Variants in DDR2 observed in about 807,000 individuals in gnomAD.
The protein encoded by DDR2 is discoidin domain-containing receptor 2.
DDR2 carries 27 observed loss-of-function variants against 94.9 expected under a neutral mutation model. The observed-to-expected ratio is 0.28, with a 90% CI of 0.21 to 0.39. The LOEUF (loss-of-function observed/expected upper bound fraction) is 0.39, where lower values mean the gene tolerates loss of function less well. DDR2 is among the 10% of genes least tolerant of loss of function. The probability of loss-of-function intolerance (pLI) is 1.00; values close to 1 mark genes in which losing one functional copy is unlikely to be tolerated. For missense variants in DDR2, 783 were observed against 1,076.0 expected, an observed-to-expected ratio of 0.73 and a Z score of 3.81; for synonymous variants, 382 against 377.2, an observed-to-expected ratio of 1.01 and a Z score of -0.15.
rs141761323 is a variant in DDR2 at position 162,643,869 on chromosome 1, C to G, written c.-192+11238C>G. On this transcript the variant is annotated intron_variant, in intron 1 of 17. Coordinates refer to ENST00000367921, the MANE Select transcript of DDR2 (RefSeq NM_006182.4). ...ACTAAGCCCTCATTGGGGTTGGGTA[C>G]GGTTAGGGCAAGGAGAAGCCTGGGA... 1.5e-3 allele frequency among the ~76,000 whole-genome samples: 230 copies of G among 152,154 alleles called. 3 individuals are homozygous for G. The highest frequency in any genetic ancestry group is 5.2e-3 in the African/African-American group (215 of 41,504).
chr1:162,682,700 T>G (rs371431102), intron 2 of DDR2, among the ~76,000 whole-genome samples: 2 of 152,222 alleles, frequency 1.3e-5, no homozygotes, highest in East Asian at 1.9e-4. Flanking sequence ...ACTTGTGAAA[T>G]TTTCATATTT....
At chr1:162,688,823 G>A (rs1659818635) in intron 2 of DDR2, among the ~76,000 whole-genome samples, 1 of 152,150 alleles carries the variant, frequency 6.6e-6, no homozygotes, top group Non-Finnish European at 1.5e-5. Flanking sequence ...ACCTGAGAGT[G>A]CTCAGCTCCC....
chr1:162,679,644 T>C (rs1659303867), intron 2 of DDR2, among the ~76,000 whole-genome samples: 1 of 152,226 alleles, frequency 6.6e-6, no homozygotes, highest in African/African-American at 2.4e-5. Flanking sequence ...TTATAGCCCT[T>C]TGGGTATATA....
intron 10 of DDR2, among the ~76,000 whole-genome samples, chr1:162,766,791 T>C (rs772611722): frequency 2.6e-5 from 4 of 152,060 alleles, no homozygotes; most frequent in Non-Finnish European, 4.4e-5. Flanking sequence ...CCCAGCACTT[T>C]GGGAGGCAGA....
chr1:162,761,179 A>T (rs761946140), intron 8 of DDR2, 32 bp from the exon 9 acceptor site: 2 of 1,613,406 alleles, frequency 1.2e-6, no homozygotes, highest in Non-Finnish European at 1.7e-6. Flanking sequence ...AGCAGGGCCA[A>T]CCTATCACTC....
chr1:162,744,245 G>T (rs750502137), intron 3 of DDR2, among the ~76,000 whole-genome samples: 15 of 152,152 alleles, frequency 9.9e-5, no homozygotes, highest in Non-Finnish European at 2.1e-4. Context: ...TTGTACAGTG[G>T]ATCTCTAGAA....
intron 2 of DDR2, among the ~76,000 whole-genome samples, chr1:162,670,449 G>A (rs949255016): frequency 1.3e-5 from 2 of 152,120 alleles, no homozygotes; most frequent in East Asian, 1.9e-4. Context: ...AATCAGGCTC[G>A]TTCAGGTTAC....
chr1:162,770,587 C>G, intron 12 of DDR2, 75 bp downstream of exon 12: 1 of 1,367,032 alleles, frequency 7.3e-7, no homozygotes, highest in Non-Finnish European at 1.0e-6. Context: ...CACGCCTGCT[C>G]CCAGTTCATT....
At position 162,773,493 on chromosome 1, in the gene DDR2, A is replaced by G. The variant is rs1216960225; in HGVS notation, c.1753A>G (p.Met585Val). 44 of 1,613,842 alleles carry G rather than the reference A, an allele frequency of 2.7e-5. No homozygotes were observed. Among genetic ancestry groups the G allele is most frequent in the Non-Finnish European group, 3.5e-5 (41 of 1,179,892 alleles). ...GGTTCATCTCTGTGAAGTGGAGGGA[A>G]TGGAAAAATTCAAAGACAAAGATTT... ...GEVHLCEVEG[M>V]EKFKDKDFAL... is the part of the protein sequence containing the mutation. Residue 585 changes from methionine (M) to valine (V), a missense_variant, in exon 14 of 18, where the codon ATG becomes GTG. By Grantham distance (21) the Met-to-Val change is conservative (BLOSUM62 1). Coordinates refer to ENST00000367921, the MANE Select transcript of DDR2 (RefSeq NM_006182.4).
intron 1 of DDR2, among the ~76,000 whole-genome samples, chr1:162,651,381 C>A (rs1657681830): frequency 6.6e-6 from 1 of 152,192 alleles, no homozygotes. Flanking sequence ...TTTTCTTAGA[C>A]TTTTGTCTGC....
rs137924775 is a variant in DDR2, at chr1:162,766,051, C to T, written c.1150C>T (p.Pro384Ser). 1.9e-5 allele frequency: 31 copies of T among 1,613,756 alleles called. No individual in the cohort carries two copies. Among genetic ancestry groups the T allele is most frequent in the Non-Finnish European group, 2.5e-5 (30 of 1,179,996 alleles). ...SEALPTSPMA[P>S]TTYDPMLKVD... Reference sequence around the variant, plus strand: ...AGCCCTGCCCACCTCTCCTATGGCACCCACAACCTATGGTATATGTGATTC... The same window carrying T: ...AGCCCTGCCCACCTCTCCTATGGCATCCACAACCTATGGTATATGTGATTC... The change falls in exon 10 of 18, where the codon CCC (proline) becomes TCC (serine). Residue 384 changes from proline to serine, a missense_variant. Physicochemically the swap from Pro to Ser is moderately conservative, Grantham distance 74 (BLOSUM62 -1). Coordinates refer to ENST00000367921, the MANE Select transcript of DDR2 (RefSeq NM_006182.4).
intron 1 of DDR2, among the ~76,000 whole-genome samples, chr1:162,632,871 C>G (rs756203568): frequency 2.0e-5 from 3 of 152,022 alleles, no homozygotes; most frequent in Non-Finnish European, 2.9e-5. Flanking sequence ...ACCAAAGAAG[C>G]CTGAAGCAAA....
intron 2 of DDR2, among the ~76,000 whole-genome samples, chr1:162,710,394 T>C (rs1198907743): frequency 6.6e-6 from 1 of 152,114 alleles, no homozygotes; most frequent in Non-Finnish European, 1.5e-5. Context: ...ATCACGAGGT[T>C]GGGACTCCCA....
At chr1:162,742,089 C>G (rs899250126) in intron 3 of DDR2, among the ~76,000 whole-genome samples, 7 of 152,240 alleles carry the variant, frequency 4.6e-5, no homozygotes, top group African/African-American at 1.4e-4. Context: ...CATCCCCAAA[C>G]AGTTCAGATT....
chr1:162,762,223 T>C (rs536092536), intron 9 of DDR2, among the ~76,000 whole-genome samples: 49 of 152,370 alleles, frequency 3.2e-4, no homozygotes, highest in African/African-American at 1.2e-3. Flanking sequence ...AAATGGATTC[T>C]GGCTTGGCTG....
At chr1:162,654,452 A>G (rs73016569) in intron 1 of DDR2, among the ~76,000 whole-genome samples, 7 of 152,332 alleles carry the variant, frequency 4.6e-5, no homozygotes, top group African/African-American at 1.7e-4. Flanking sequence ...TCTAAAGAAT[A>G]CAACAGCAAA....
At position 162,775,757 on chromosome 1, in the gene DDR2, T is replaced by C. The variant is rs2102196039; in HGVS notation, c.1962T>C (p.Thr654=). 1 of 1,614,166 alleles carries C rather than the reference T, an allele frequency of 6.2e-7. No homozygotes were observed. The highest frequency in any genetic ancestry group is 8.5e-7 in the Non-Finnish European group (1 of 1,180,024). The change falls in exon 15 of 18, where the codon ACT becomes ACC. Residue 654 remains threonine, a synonymous_variant. Transcript: ENST00000367921. ...CITDDPLCMI[T]EYMENGDLNQ... ...CTGATGACCCTCTCTGTATGATCAC[T>C]GAATACATGGAGAATGGAGATCTCA...
chr1:162,727,301 A>G (rs929242131), intron 3 of DDR2, among the ~76,000 whole-genome samples: 2 of 140,636 alleles, frequency 1.4e-5, no homozygotes, highest in African/African-American at 5.1e-5. Flanking sequence ...TAAAATATGT[A>G]TAAAAATAAA....
In DDR2 at chr1:162,693,401, GC is replaced by G. The variant is rs151214845; in HGVS notation, c.-27-25634del. Among the ~76,000 whole-genome samples, 190 of 152,280 alleles carry G rather than the reference GC, an allele frequency of 1.2e-3. 1 individual carries two copies. Among genetic ancestry groups the G allele is most frequent in the African/African-American group, 4.3e-3 (177 of 41,562 alleles). On this transcript the variant is annotated intron_variant, in intron 2 of 17. Transcript: ENST00000367921. The stretch of plus-strand genomic sequence containing the variant: ...GAAAGTGAGGGAGTGTTTCTGAACC[GC>G]CTTTGTGTTTTTCTTTTGACGTTTT...
Sources: gnomAD v4.1 joint callset for allele counts (sites outside exome capture counted in the v4.1 genomes callset) on GRCh38, gnomAD v4.1.1 for gene constraint, MANE v1.5 for transcripts, NCBI Gene and HGNC (gene_info 2026-07-23, HGNC 2026-07-21) for gene names.